The following SOAT1 variants were observed in gnomAD, a reference collection of about 807,000 sequenced individuals.
The protein encoded by SOAT1 is acyl-coenzyme A:cholesterol acyltransferase 1.
A neutral mutation model predicts 69.5 loss-of-function variants in SOAT1; 55 were observed. The ratio of observed to expected loss-of-function variants is 0.79; its 90% CI spans 0.64 to 0.99. SOAT1 has a LOEUF of 0.99. Ranked by LOEUF, SOAT1 falls within the 50% of genes least tolerant of loss-of-function variation. The pLI, the probability that SOAT1 is intolerant of heterozygous loss-of-function variation, is 0.00. For synonymous variants in SOAT1, 231 were observed against 224.7 expected, an observed-to-expected ratio of 1.03 and a Z score of -0.25; for missense variants, 580 against 669.3, an observed-to-expected ratio of 0.87 and a Z score of 1.47.
chr1:179,348,652 A>G (rs1666611696), intron 12 of SOAT1, among the ~76,000 whole-genome samples, 192 bp from the exon 13 acceptor site: 1 of 152,174 alleles, frequency 6.6e-6, no homozygotes, highest in Admixed American at 6.5e-5. Context: ...AATGCCTTTG[A>G]AGATTTTTCT....
chr1:179,328,160 C>G (rs908319695), intron 3 of SOAT1, among the ~76,000 whole-genome samples: 1 of 152,142 alleles, frequency 6.6e-6, no homozygotes, highest in Non-Finnish European at 1.5e-5. Context: ...TCTCAAACTC[C>G]TCAGCTCAAG....
At chr1:179,301,994 C>G (rs1361111000) in intron 1 of SOAT1, among the ~76,000 whole-genome samples, 2 of 150,148 alleles carry the variant, frequency 1.3e-5, no homozygotes, top group Non-Finnish European at 3.0e-5. Flanking sequence ...CACCCTGTGG[C>G]ATCTTTGTAG....
chr1:179,293,836 A>T lies in SOAT1; in HGVS notation c.-109A>T, dbSNP rs1203259901. The T allele has an allele frequency of 6.6e-6, 1 of 152,434 alleles. No homozygotes were observed. Among genetic ancestry groups the T allele is most frequent in the Non-Finnish European group, 1.5e-5 (1 of 68,216 alleles). The allele number at this position is 152,434 out of a possible 1,614,324, so 9.4% of individuals were successfully genotyped here. On this transcript the variant is annotated 5_prime_UTR_variant, in exon 1 of 16. Coordinates refer to ENST00000367619, the MANE Select transcript of SOAT1 (RefSeq NM_003101.6). ...GGCGACGTTGCGGGCCCTGGGCGCC[A>T]GGAGAGCTTCCCGGAGTCGACCTTC...
At chr1:179,301,429 A>G (rs1664827309) in intron 1 of SOAT1, among the ~76,000 whole-genome samples, 1 of 151,954 alleles carries the variant, frequency 6.6e-6, no homozygotes, top group Non-Finnish European at 1.5e-5. Flanking sequence ...ATTTTCCCCC[A>G]GTAGTTAGTG....
At chr1:179,351,882 C>A (rs1361962209) in intron 15 of SOAT1, among the ~76,000 whole-genome samples, 1 of 151,548 alleles carries the variant, frequency 6.6e-6, no homozygotes, top group Admixed American at 6.6e-5. Flanking sequence ...ACCATGCCCG[C>A]TAAATTTTTG....
intron 2 of SOAT1, 60 bp downstream of exon 2, chr1:179,302,862 A>G (rs1664881063): frequency 1.1e-6 from 1 of 874,760 alleles, no homozygotes; most frequent in Non-Finnish European, 1.8e-6. Context: ...ATACAGTGTT[A>G]TAGAATAAGT....
rs191990549 is a variant in SOAT1, at chr1:179,334,955, C to A, written c.178-551C>A. 4.2e-3 allele frequency among the ~76,000 whole-genome samples: 547 copies of A among 131,708 alleles called. 6 individuals carry two copies. Among genetic ancestry groups the A allele is most frequent in the African/African-American group, 0.014 (493 of 34,974 alleles). The allele number at this position is 131,708 out of a possible 152,430, so 86.4% of individuals were successfully genotyped here. A position where few individuals can be genotyped will look rare whatever the true frequency, so the allele number is the denominator to read the frequency against. On this transcript the variant is annotated intron_variant, in intron 3 of 15. Transcript: ENST00000367619. ...ACTTGAACCCAGGAGGCGGAGGTTGCGGTGAGCCGAGATCGTGCCATTGCA... is the reference window on the plus strand; with the variant it reads ...ACTTGAACCCAGGAGGCGGAGGTTGAGGTGAGCCGAGATCGTGCCATTGCA...
rs1664871527 is a variant in SOAT1, at chr1:179,302,664, C to T, written c.-8-13C>T. Reference sequence around the variant, plus strand: ...CGGACTAATACGAAAGCTTTTTACACCTTCTTTCCTAGACAATACAATGGT... The same window carrying T: ...CGGACTAATACGAAAGCTTTTTACATCTTCTTTCCTAGACAATACAATGGT... On this transcript the variant is annotated splice_polypyrimidine_tract_variant and intron_variant, in intron 1 of 15. Transcript: ENST00000367619. 7 of 1,549,000 alleles carry T rather than the reference C, an allele frequency of 4.5e-6. No individual in the cohort carries two copies. The highest frequency in any genetic ancestry group is 1.2e-5 in the South Asian group (1 of 82,736).
intron 3 of SOAT1, among the ~76,000 whole-genome samples, chr1:179,328,944 G>T (rs1237780677): frequency 6.6e-6 from 1 of 151,474 alleles, no homozygotes; most frequent in Non-Finnish European, 1.5e-5. Context: ...TACTCGGGAG[G>T]CTGAGGTGGG....
intron 6 of SOAT1, among the ~76,000 whole-genome samples, chr1:179,340,434 G>A (rs1251247551): frequency 6.6e-6 from 1 of 152,112 alleles, no homozygotes; most frequent in African/African-American, 2.4e-5. Context: ...GTGGAGCTGT[G>A]TTTGTGCCAC....
At chr1:179,318,236 G>A (rs752456709) in intron 2 of SOAT1, among the ~76,000 whole-genome samples, 1 of 146,358 alleles carries the variant, frequency 6.8e-6, no homozygotes, top group Non-Finnish European at 1.5e-5. Context: ...TATTAAAAGG[G>A]CAGAGATCAA....
intron 3 of SOAT1, among the ~76,000 whole-genome samples, chr1:179,331,501 G>A (rs1043107607): frequency 6.6e-6 from 1 of 152,170 alleles, no homozygotes; most frequent in Non-Finnish European, 1.5e-5. Flanking sequence ...ACTTTGGGAG[G>A]CCAAGGCAGG....
intron 2 of SOAT1, among the ~76,000 whole-genome samples, chr1:179,319,474 C>T (rs964732969): frequency 3.1e-4 from 47 of 151,896 alleles, no homozygotes; most frequent in African/African-American, 9.2e-4. Flanking sequence ...TTCTCCCCAT[C>T]GGTCAGGCTG....
Position 179,353,681 on chromosome 1 carries a change from G to T in SOAT1, c.*40G>T, listed in dbSNP as rs767702956. 3.3e-6 allele frequency: 5 copies of T among 1,523,498 alleles called. No individual in the cohort carries two copies. The highest frequency in any genetic ancestry group is 3.4e-5 in the Admixed American group (2 of 59,136). The allele number at this position is 1,523,498 out of a possible 1,614,324, so 94.4% of individuals were successfully genotyped here. On this transcript the variant is annotated 3_prime_UTR_variant, in exon 16 of 16. Coordinates refer to ENST00000367619, the MANE Select transcript of SOAT1 (RefSeq NM_003101.6). ...TTTCCTCCTTGTCACTGAAGATTGG[G>T]TAGCTCCCTGATTTGGAGCCAGCTG... is the stretch of plus-strand genomic sequence containing the variant.
chr1:179,341,000 G>C, intron 6 of SOAT1, 28 bp from the exon 7 acceptor site: 1 of 1,605,560 alleles, frequency 6.2e-7, no homozygotes, highest in Non-Finnish European at 8.5e-7. Context: ...TCACCTCTAT[G>C]TTCTTTTTCT....
At position 179,341,023 on chromosome 1, in the gene SOAT1, C is replaced by T. The variant is rs773117034; in HGVS notation, c.498-5C>T. On this transcript the variant is annotated splice_polypyrimidine_tract_variant and splice_region_variant and intron_variant, in intron 6 of 15. Transcript: ENST00000367619. The stretch of plus-strand genomic sequence containing the variant: ...ATGTTCTTTTTCTGTACCTTTTCTC[C>T]CCAGGCTGGTGCTTGAGTTCAGCCT... 1.2e-6 allele frequency: 2 copies of T among 1,612,898 alleles called. No homozygotes were observed. Among genetic ancestry groups the T allele is most frequent in the Admixed American group, 3.3e-5 (2 of 59,838 alleles).
intron 3 of SOAT1, among the ~76,000 whole-genome samples, chr1:179,326,970 A>G (rs779713600): frequency 2.1e-4 from 32 of 152,214 alleles, no homozygotes; most frequent in Non-Finnish European, 4.0e-4. Flanking sequence ...CTATTGTAAT[A>G]TTTTAGTATT....
intron 8 of SOAT1, among the ~76,000 whole-genome samples, 153 bp from the exon 9 acceptor site, chr1:179,342,709 G>A (rs559207131): frequency 2.0e-5 from 3 of 152,276 alleles, no homozygotes; most frequent in South Asian, 2.1e-4. Context: ...ATTCGTGCAA[G>A]AATAAGAAGT....
intron 3 of SOAT1, among the ~76,000 whole-genome samples, chr1:179,326,397 A>G (rs2862616): frequency 0.5 from 75,496 of 151,988 alleles, 19,707 homozygotes; most frequent in East Asian, 0.84. Flanking sequence ...TATATACTCT[A>G]TATGTATTAG....
Sources: allele counts gnomAD v4.1 joint callset (sites outside exome capture counted in the v4.1 genomes callset), GRCh38; gene constraint gnomAD v4.1.1; transcripts MANE v1.5; gene names NCBI Gene and HGNC (gene_info 2026-07-23, HGNC 2026-07-21).